Variants in DPH6 observed in about 807,000 individuals in gnomAD.
DPH6 encodes the protein diphthamine biosynthesis 6, also known as diphthine--ammonia ligase.
A neutral mutation model predicts 38.2 loss-of-function variants in DPH6; 33 were observed. The observed-to-expected ratio is 0.86, with a 90% CI of 0.65 to 1.15. DPH6 has a LOEUF of 1.15. Ranked by LOEUF, DPH6 falls within the 50% of genes most tolerant of loss-of-function variation. The probability of loss-of-function intolerance (pLI) is 0.00; values close to 1 mark genes in which losing one functional copy is unlikely to be tolerated. For missense variants in DPH6, 325 were observed against 320.0 expected (o/e 1.02, Z -0.12); for synonymous variants, 108 against 103.0 (o/e 1.05, Z -0.30).
At chr15:35,268,172 A>AAAT (rs2051795754) in intron 3 of DPH6, among the ~76,000 whole-genome samples, 1 of 140,458 alleles carries the variant, frequency 7.1e-6, no homozygotes, top group Non-Finnish European at 1.5e-5. Context: ...TCTGTCTCAA[A>AAAT]AAATAAATAA....
At chr15:35,536,259 T>A (rs1418054911) in intron 3 of DPH6, among the ~76,000 whole-genome samples, 1 of 152,066 alleles carries the variant, frequency 6.6e-6, no homozygotes, top group Non-Finnish European at 1.5e-5. Context: ...AGCCTAGTTA[T>A]ACAATCACTT....
the DPH6 span, among the ~76,000 whole-genome samples, chr15:35,151,024 C>T: frequency 3.3e-5 from 5 of 152,070 alleles, no homozygotes; most frequent in East Asian, 1.9e-4. Flanking sequence ...TCACCAACCC[C>T]GCGAAAACAA....
chr15:35,336,452 T>C (rs1219915648), intron 3 of DPH6, among the ~76,000 whole-genome samples: 1 of 152,172 alleles, frequency 6.6e-6, no homozygotes, highest in Admixed American at 6.6e-5. Flanking sequence ...TTTCTTCCAG[T>C]TGATCAAATC....
At chr15:35,405,626 T>C (rs1012961075) in intron 6 of DPH6, among the ~76,000 whole-genome samples, 2 of 152,136 alleles carry the variant, frequency 1.3e-5, no homozygotes, top group East Asian at 1.9e-4. Flanking sequence ...TTTTTTGAAA[T>C]ATACAATCAT....
At chr15:35,237,859 G>A in intron 3 of DPH6, 1 of 1,516,882 alleles carries the variant, frequency 6.6e-7, no homozygotes, top group East Asian at 2.3e-5. Context: ...ATGAGGAGGA[G>A]TATGACGAAG....
intron 3 of DPH6, among the ~76,000 whole-genome samples, chr15:35,279,124 T>A (rs577655129): frequency 6.6e-6 from 1 of 150,804 alleles, no homozygotes; most frequent in South Asian, 2.1e-4. Context: ...CCCTACTGAG[T>A]TTCAGACTTG....
intron 3 of DPH6, among the ~76,000 whole-genome samples, chr15:35,513,414 A>T (rs1424057966): frequency 1.3e-5 from 2 of 152,004 alleles, no homozygotes; most frequent in Non-Finnish European, 2.9e-5. Flanking sequence ...AGTACTAAAA[A>T]CCCAGTTCCA....
chr15:35,368,878 T>C (rs961646420), downstream of DPH6, among the ~76,000 whole-genome samples: 1 of 126,428 alleles, frequency 7.9e-6, no homozygotes, highest in Admixed American at 7.5e-5. Context: ...AAAGTAGATG[T>C]TAGTAAAAGA....
At chr15:35,227,174 CTTTTTTTTT>C (rs71415001) in intron 3 of DPH6, among the ~76,000 whole-genome samples, 1 of 77,036 alleles carries the variant, frequency 1.3e-5, no homozygotes, top group Non-Finnish European at 2.6e-5. Flanking sequence ...ATAACATCTT[CTTTTTTTTT>C]TTTTTTTTTT....
At chr15:35,527,649 G>T (rs1056174533) in intron 3 of DPH6, among the ~76,000 whole-genome samples, 1 of 152,074 alleles carries the variant, frequency 6.6e-6, no homozygotes, top group African/African-American at 2.4e-5. Context: ...TGCAAAAGAA[G>T]GAGTTGGAAA....
the DPH6 span, among the ~76,000 whole-genome samples, chr15:35,150,063 T>C: frequency 6.6e-6 from 1 of 152,240 alleles, no homozygotes; most frequent in South Asian, 2.1e-4. Flanking sequence ...CTGAGGAGAA[T>C]GAGGATCTGG....
chr15:35,533,672 T>C (rs1237989159), intron 3 of DPH6, among the ~76,000 whole-genome samples: 1 of 135,636 alleles, frequency 7.4e-6, no homozygotes, highest in Admixed American at 7.3e-5. Context: ...ATTATTAAAT[T>C]TATTATTTAT....
intron 3 of DPH6, among the ~76,000 whole-genome samples, chr15:35,299,835 C>T (rs753295129): frequency 6.6e-6 from 1 of 152,160 alleles, no homozygotes; most frequent in Non-Finnish European, 1.5e-5. Flanking sequence ...TGCTTGGTAT[C>T]TGCTTCTCCA....
At chr15:35,481,264 A>T (rs1185183644) in intron 3 of DPH6, among the ~76,000 whole-genome samples, 2 of 152,206 alleles carry the variant, frequency 1.3e-5, no homozygotes, top group Non-Finnish European at 2.9e-5. Context: ...GAAATCATAA[A>T]GAACAAAGCA....
At chr15:35,432,556 A>G (rs1055267618) in intron 5 of DPH6, among the ~76,000 whole-genome samples, 1 of 152,210 alleles carries the variant, frequency 6.6e-6, no homozygotes, top group Non-Finnish European at 1.5e-5. Context: ...ATTCATAGAA[A>G]ACAGAATTAT....
At chr15:35,215,551 T>C (rs2051406845), downstream of DPH6, among the ~76,000 whole-genome samples, 1 of 152,116 alleles carries the variant, frequency 6.6e-6, no homozygotes, top group Non-Finnish European at 1.5e-5. Context: ...ACCCAGCTAA[T>C]TAAAAAAAAT....
At chr15:35,424,512 T>TTGCTTTC (rs1182194396) in intron 5 of DPH6, among the ~76,000 whole-genome samples, 4 of 151,610 alleles carry the variant, frequency 2.6e-5, no homozygotes, top group Admixed American at 2.6e-4. Flanking sequence ...AGAAATAATT[T>TTGCTTTC]TGCTTTCTTC....
chr15:35,190,789 G>C, the DPH6 span, among the ~76,000 whole-genome samples: 30 of 152,184 alleles, frequency 2.0e-4, no homozygotes, highest in Non-Finnish European at 3.8e-4. Context: ...AAGTTAGTTC[G>C]GCTTTTGCCC....
chr15:35,369,533 G>C (rs917059550), downstream of DPH6, among the ~76,000 whole-genome samples: 1 of 150,884 alleles, frequency 6.6e-6, no homozygotes, highest in African/African-American at 2.4e-5. Context: ...GGCAACATGT[G>C]AAAGTTTAGC....
Sources: gnomAD v4.1 joint callset for allele counts (sites outside exome capture counted in the v4.1 genomes callset) on GRCh38, gnomAD v4.1.1 for gene constraint, MANE v1.5 for transcripts, NCBI Gene and HGNC (gene_info 2026-07-23, HGNC 2026-07-21) for gene names.